Variants in CSPP1 observed in about 807,000 individuals in gnomAD.
The protein encoded by CSPP1 is centrosome and spindle pole associated protein 1.
A neutral mutation model predicts 164.4 loss-of-function variants in CSPP1; 126 were observed. The ratio of observed to expected loss-of-function variants is 0.77; its 90% CI spans 0.66 to 0.89. The LOEUF (loss-of-function observed/expected upper bound fraction) is 0.89. Among genes scored for constraint, CSPP1 ranks in the 40% least tolerant of loss-of-function variants. The pLI, the probability that CSPP1 is intolerant of heterozygous loss-of-function variation, is 0.00. For synonymous variants in CSPP1, 472 were observed against 476.7 expected, an observed-to-expected ratio of 0.99 and a Z score of 0.13; for missense variants, 1,395 against 1,449.8, an observed-to-expected ratio of 0.96 and a Z score of 0.61.
intron 15 of CSPP1, among the ~76,000 whole-genome samples, chr8:67,130,880 C>T (rs1187377325): frequency 2.6e-5 from 4 of 151,802 alleles, no homozygotes; most frequent in Non-Finnish European, 5.9e-5. Context: ...ACCAGTTACT[C>T]GGGAGGCTGA....
chr8:67,186,356 C>T (rs1276638583), intron 28 of CSPP1, among the ~76,000 whole-genome samples: 1 of 149,732 alleles, frequency 6.7e-6, no homozygotes, highest in Non-Finnish European at 1.5e-5. Context: ...TAGTGGTGGT[C>T]AGACATGGAA....
At chr8:67,166,101 C>T (rs543276005) in intron 24 of CSPP1, among the ~76,000 whole-genome samples, 7 of 152,248 alleles carry the variant, frequency 4.6e-5, no homozygotes, top group East Asian at 3.9e-4. Flanking sequence ...GGTTGGCTCC[C>T]GTGTCTCTTT....
chr8:67,088,497 C>G (rs1810894698), intron 4 of CSPP1, among the ~76,000 whole-genome samples: 1 of 151,496 alleles, frequency 6.6e-6, no homozygotes. Context: ...ACCATATTGG[C>G]CAGGCTGGTC....
intron 30 of CSPP1, among the ~76,000 whole-genome samples, chr8:67,194,610 AT>A (rs1290559653): frequency 1.3e-5 from 2 of 152,056 alleles, no homozygotes; most frequent in Non-Finnish European, 2.9e-5. Flanking sequence ...GTTTTTTAAC[AT>A]TGTCCTTTCA....
intron 16 of CSPP1, among the ~76,000 whole-genome samples, chr8:67,133,330 C>A (rs1200698174): frequency 6.6e-6 from 1 of 152,142 alleles, no homozygotes; most frequent in Non-Finnish European, 1.5e-5. Flanking sequence ...GTTTTTTGTG[C>A]TTAATACAGC....
intron 22 of CSPP1, among the ~76,000 whole-genome samples, chr8:67,163,287 T>A (rs1333970786): frequency 6.6e-6 from 1 of 152,122 alleles, no homozygotes; most frequent in African/African-American, 2.4e-5. Flanking sequence ...GAAGCTCAGC[T>A]GTGAAGGGAA....
intron 13 of CSPP1, among the ~76,000 whole-genome samples, chr8:67,116,438 T>C (rs1817948725): frequency 6.6e-6 from 1 of 152,214 alleles, no homozygotes; most frequent in East Asian, 1.9e-4. Context: ...GTTGTACATT[T>C]TTTTCAATTT....
rs1301966974 is a variant in CSPP1 at position 67,095,796 on chromosome 8, G to GAA, written c.923+64_923+65insAA. 257 of 998,962 alleles carry GAA rather than the reference G, an allele frequency of 2.6e-4. 1 individual carries two copies. In the African/African-American group the frequency reaches 3.9e-3, roughly 15 times the overall value. The allele number at this position is 998,962 out of a possible 1,614,324, so 61.9% of individuals were successfully genotyped here. A position where few individuals can be genotyped will look rare whatever the true frequency, so the allele number is the denominator to read the frequency against. On this transcript the variant is annotated intron_variant, in intron 7 of 30. Coordinates refer to ENST00000678616, the MANE Select transcript of CSPP1 (RefSeq NM_001382391.1). Reference sequence around the variant, plus strand: ...AGCAAATTAATTGTTAATATTTGCTGTTGTTACTTTTTATCATTATACTAG... The same window carrying GAA: ...AGCAAATTAATTGTTAATATTTGCTGAATTGTTACTTTTTATCATTATACTAG...
intron 7 of CSPP1, among the ~76,000 whole-genome samples, chr8:67,097,087 T>TCAATGTATAACC (rs1169854201): frequency 5.3e-5 from 8 of 152,234 alleles, no homozygotes; most frequent in Middle Eastern, 3.2e-3. Flanking sequence ...TTGCCATAGT[T>TCAATGTATAACC]TAACCTAACT....
At chr8:67,145,607 T>C (rs1824376842) in intron 17 of CSPP1, among the ~76,000 whole-genome samples, 1 of 151,894 alleles carries the variant, frequency 6.6e-6, no homozygotes, top group South Asian at 2.1e-4. Context: ...CACTGCAACC[T>C]CCGCCTCCCG....
chr8:67,151,110 T>G (rs1026884391), intron 18 of CSPP1, among the ~76,000 whole-genome samples: 1 of 152,236 alleles, frequency 6.6e-6, no homozygotes, highest in Admixed American at 6.5e-5. Context: ...AGCACACTTA[T>G]CTGTAGCCTT....
At chr8:67,129,965 G>A (rs1284775860) in intron 15 of CSPP1, among the ~76,000 whole-genome samples, 1 of 152,182 alleles carries the variant, frequency 6.6e-6, no homozygotes, top group Admixed American at 6.5e-5. Flanking sequence ...TCATTTAATT[G>A]TATACAGTTG....
At chr8:67,085,235 A>G (rs576977844) in intron 3 of CSPP1, among the ~76,000 whole-genome samples, 8 of 152,250 alleles carry the variant, frequency 5.3e-5, no homozygotes, top group African/African-American at 1.9e-4. Flanking sequence ...TAAAATGATT[A>G]AAATGGTAGG....
At chr8:67,186,311 A>G (rs1834556177) in intron 28 of CSPP1, among the ~76,000 whole-genome samples, 1 of 152,058 alleles carries the variant, frequency 6.6e-6, no homozygotes. Context: ...GCTTGGTTTT[A>G]AATATGTATG....
At chr8:67,074,703 T>A in intron 2 of CSPP1, 1 of 239,034 alleles carries the variant, frequency 4.2e-6, no homozygotes, top group South Asian at 4.2e-5. Context: ...GTTTAAAAAG[T>A]TTTTTTGAAA....
In CSPP1 at chr8:67,105,241, G is replaced by C. The variant is rs934026844; in HGVS notation, c.1023-664G>C. 1.3e-5 allele frequency among the ~76,000 whole-genome samples: 2 copies of C among 151,578 alleles called. 1 individual carries two copies. Among genetic ancestry groups the C allele is most frequent in the South Asian group, 4.2e-4 (2 of 4,794 alleles). Reference sequence around the variant, plus strand: ...AGGTTTTACTGTGATAGCCAGGCTGGTCTCAAGCTCCAGACCTCAAGCGAT... The same window carrying C: ...AGGTTTTACTGTGATAGCCAGGCTGCTCTCAAGCTCCAGACCTCAAGCGAT... On this transcript the variant is annotated intron_variant, in intron 8 of 30. Coordinates refer to ENST00000678616, the MANE Select transcript of CSPP1 (RefSeq NM_001382391.1).
Position 67,095,528 on chromosome 8 carries a change from G to C in CSPP1, c.719G>C (p.Gly240Ala). Reference sequence around the variant, plus strand: ...ATTAAAAAAGCAAATGAAGAAGTGGGCATTTCCAACCTAAAACATCAAAGG... The same window carrying C: ...ATTAAAAAAGCAAATGAAGAAGTGGCCATTTCCAACCTAAAACATCAAAGG... Reference protein sequence around the residue: ...RIIKKANEEVGISNLKHQRFA... With the variant: ...RIIKKANEEVAISNLKHQRFA... Residue 240 changes from glycine to alanine, a missense_variant, in exon 7 of 31, where the codon GGC becomes GCC. Physicochemically the swap from Gly to Ala is moderately conservative, Grantham distance 60. Transcript: ENST00000678616. 1 of 1,613,618 alleles carries C rather than the reference G, an allele frequency of 6.2e-7. No individual in the cohort carries two copies. The highest frequency in any genetic ancestry group is 8.5e-7 in the Non-Finnish European group (1 of 1,179,872).
chr8:67,180,154 G>A lies in CSPP1; in HGVS notation c.3220+228G>A, dbSNP rs552343612. On this transcript the variant is annotated intron_variant, in intron 28 of 30. Transcript: ENST00000678616. ...TTGACAAACCTGTACATGAATGTTC[G>A]TAACAGCCTCATTTCTAATGCCAAA... Among the ~76,000 whole-genome samples the A allele has an allele frequency of 5.7e-4, 86 of 152,160 alleles. 1 individual carries two copies. Among genetic ancestry groups the A allele is most frequent in the South Asian group, 2.9e-3 (14 of 4,818 alleles).
At position 67,193,503 on chromosome 8, in the gene CSPP1, C is replaced by T. The variant is rs750823476; in HGVS notation, c.3370C>T (p.Leu1124=). 5 of 1,613,414 alleles carry T rather than the reference C, an allele frequency of 3.1e-6. No individual in the cohort carries two copies. Among genetic ancestry groups the T allele is most frequent in the Non-Finnish European group, 4.2e-6 (5 of 1,179,344 alleles). ...RPNVAPDGLS[L]KSISSVNVDE... is the part of the protein sequence containing the mutation. Reference sequence around the variant, plus strand: ...TAATGTAGCACCAGATGGTCTCTCTCTAAAATCTATATCCAGTGTAAATGT... The same window carrying T: ...TAATGTAGCACCAGATGGTCTCTCTTTAAAATCTATATCCAGTGTAAATGT... Residue 1124 remains leucine, a synonymous_variant, in exon 30 of 31, where the codon CTA becomes TTA. Coordinates refer to ENST00000678616, the MANE Select transcript of CSPP1 (RefSeq NM_001382391.1).
Sources: allele counts gnomAD v4.1 joint callset (sites outside exome capture counted in the v4.1 genomes callset), GRCh38; gene constraint gnomAD v4.1.1; transcripts MANE v1.5; gene names NCBI Gene and HGNC (gene_info 2026-07-23, HGNC 2026-07-21).